Variants in SUMF1 observed in about 807,000 individuals in gnomAD.
The protein encoded by SUMF1 is formylglycine-generating enzyme.
SUMF1 carries 48 observed loss-of-function variants against 47.6 expected under a neutral mutation model. The ratio of observed to expected loss-of-function variants is 1.01; its 90% CI spans 0.80 to 1.28. The LOEUF (loss-of-function observed/expected upper bound fraction) is 1.28. Ranked by LOEUF, SUMF1 falls within the 50% of genes most tolerant of loss-of-function variation. The pLI is 0.00. For synonymous variants in SUMF1, 230 were observed against 192.1 expected (o/e 1.20, Z -1.63); for missense variants, 571 against 485.4 (o/e 1.18, Z -1.66).
rs183533640 is a variant in SUMF1, at chr3:4,460,843, C to T, written c.270+6133G>A. ...TGCTAATTTTTTTTTTTAGTAGACA[C>T]GAGGTCTTGTTATGTTGCCCAGGCT... On this transcript the variant is annotated intron_variant, in intron 1 of 8. Coordinates refer to ENST00000272902, the MANE Select transcript of SUMF1 (RefSeq NM_182760.4). Among the ~76,000 whole-genome samples the T allele has an allele frequency of 1.1e-4, 16 of 151,516 alleles. No homozygotes were observed. In the South Asian group the frequency reaches 1.9e-3, roughly 18 times the overall value.
intron 1 of SUMF1, 44 bp downstream of exon 1, chr3:4,466,932 G>T: frequency 1.3e-6 from 2 of 1,597,276 alleles, no homozygotes; most frequent in African/African-American, 1.3e-5. Flanking sequence ...CCCCGTCCAG[G>T]AACCGAGCAG....
intron 8 of SUMF1, among the ~76,000 whole-genome samples, chr3:4,363,219 ATAATATTTATGATATTATTTATTAT>A (rs1283487119): frequency 1.3e-5 from 2 of 152,178 alleles, no homozygotes; most frequent in Non-Finnish European, 2.9e-5. Context: ...TAATACCTAA[ATAATATTTATGATATTATTTATTAT>A]CTAAATCATA....
chr3:4,317,868 G>A (rs781070938), intron 8 of SUMF1, among the ~76,000 whole-genome samples: 1 of 152,148 alleles, frequency 6.6e-6, no homozygotes, highest in East Asian at 1.9e-4. Context: ...TAAATTATTA[G>A]TCTTGAGAAC....
chr3:4,385,189 T>C (rs1279614350), intron 7 of SUMF1, among the ~76,000 whole-genome samples: 2 of 152,052 alleles, frequency 1.3e-5, no homozygotes, highest in Non-Finnish European at 2.9e-5. Flanking sequence ...CCCAGCTGAA[T>C]GTTTAGGTTT....
At position 4,221,543 on chromosome 3, in the gene SUMF1, C is replaced by T. The variant is rs1482929493; in HGVS notation, c.1015-152798G>A. Among the ~76,000 whole-genome samples the T allele has an allele frequency of 1.3e-5, 2 of 151,734 alleles. 1 individual carries two copies. The highest frequency in any genetic ancestry group is 3.9e-4 in the East Asian group (2 of 5,170). ...AGTTCTGAAAGCCCTGTCCCATTTC[C>T]CAGTGATTAGACAACATTCTTATCA... On this transcript the variant is annotated intron_variant and NMD_transcript_variant, in intron 8 of 12. Coordinates refer to the SUMF1 transcript ENST00000448413.
chr3:4,126,105 G>C (rs1574905843), intron 8 of SUMF1, among the ~76,000 whole-genome samples: 1 of 151,380 alleles, frequency 6.6e-6, no homozygotes, highest in East Asian at 1.9e-4. Context: ...AAAAAAATCA[G>C]AATTATATAT....
rs146280002 is a variant in SUMF1, at chr3:4,383,557, G to A, written c.955-7168C>T. On this transcript the variant is annotated intron_variant, in intron 7 of 8. Transcript: ENST00000272902. ...CAGTTTTTGTCCTGGATTATCTTTT[G>A]AAGGATGTTTGTGTAACCAACAGTC... Among the ~76,000 whole-genome samples the A allele has an allele frequency of 8.5e-5, 13 of 152,294 alleles. No homozygotes were observed. In the East Asian group the frequency reaches 2.5e-3, roughly 29 times the overall value.
At chr3:4,275,597 A>G (rs78284585) in intron 8 of SUMF1, among the ~76,000 whole-genome samples, 3,743 of 152,290 alleles carry the variant, frequency 0.025, 60 homozygotes, top group African/African-American at 0.028. Flanking sequence ...TCCCTTTGGA[A>G]TAGTCAACAC....
chr3:4,366,380 C>T (rs1699958300), intron 8 of SUMF1, among the ~76,000 whole-genome samples: 1 of 152,156 alleles, frequency 6.6e-6, no homozygotes, highest in African/African-American at 2.4e-5. Flanking sequence ...GGTCTTTTCA[C>T]ATAGTCCCAT....
intron 8 of SUMF1, among the ~76,000 whole-genome samples, chr3:4,130,331 T>C (rs769629962): frequency 6.6e-6 from 1 of 152,184 alleles, no homozygotes; most frequent in Non-Finnish European, 1.5e-5. Flanking sequence ...TTCCTGTCCA[T>C]AAGGCCCACC....
intron 6 of SUMF1, among the ~76,000 whole-genome samples, chr3:4,415,875 CGCCTTCT>C (rs1559285182): frequency 6.6e-6 from 1 of 152,094 alleles, no homozygotes; most frequent in Non-Finnish European, 1.5e-5. Context: ...CTCTTTTGCC[CGCCTTCT>C]GCCTTCTGCC....
intron 8 of SUMF1, among the ~76,000 whole-genome samples, chr3:4,250,414 C>A (rs1696770770): frequency 6.6e-6 from 1 of 152,056 alleles, no homozygotes; most frequent in Admixed American, 6.6e-5. Context: ...ATTTCCTGAA[C>A]ATGAAAGTGC....
intron 1 of SUMF1, among the ~76,000 whole-genome samples, chr3:4,453,963 C>A (rs74968258): frequency 1.9e-3 from 287 of 152,132 alleles, no homozygotes; most frequent in Non-Finnish European, 3.4e-3. Flanking sequence ...GTGCCCAGCC[C>A]CACTTTTTTC....
At chr3:4,221,555 C>G (rs1696065193) in intron 8 of SUMF1, among the ~76,000 whole-genome samples, 1 of 151,966 alleles carries the variant, frequency 6.6e-6, no homozygotes, top group South Asian at 2.1e-4. Context: ...AGTGATTAGA[C>G]AACATTCTTA....
At chr3:4,292,080 T>G (rs1359065122) in intron 8 of SUMF1, among the ~76,000 whole-genome samples, 3 of 152,184 alleles carry the variant, frequency 2.0e-5, no homozygotes, top group Non-Finnish European at 4.4e-5. Context: ...AAAACATGTT[T>G]GGAATAAAAC....
intron 8 of SUMF1, among the ~76,000 whole-genome samples, chr3:4,099,320 A>C (rs551928363): frequency 1.8e-4 from 27 of 152,276 alleles, no homozygotes; most frequent in African/African-American, 6.3e-4. Context: ...ATAAATCAAT[A>C]AATGTGATCC....
chr3:4,115,461 C>T (rs1693400008), intron 8 of SUMF1, among the ~76,000 whole-genome samples: 1 of 152,102 alleles, frequency 6.6e-6, no homozygotes, highest in African/African-American at 2.4e-5. Flanking sequence ...GATGGCTAAA[C>T]TGAAAGAGTG....
intron 8 of SUMF1, among the ~76,000 whole-genome samples, chr3:4,310,741 A>G (rs1021466194): frequency 1.3e-5 from 2 of 152,220 alleles, no homozygotes; most frequent in Non-Finnish European, 2.9e-5. Flanking sequence ...CTGATTAGAA[A>G]ACTGCAGTTG....
chr3:4,384,439 C>A (rs144653222), intron 7 of SUMF1, among the ~76,000 whole-genome samples: 2 of 152,264 alleles, frequency 1.3e-5, no homozygotes, highest in Non-Finnish European at 2.9e-5. Context: ...CACAAGGATC[C>A]CTTACGTTGC....
Sources: gnomAD v4.1 joint callset for allele counts (sites outside exome capture counted in the v4.1 genomes callset) on GRCh38, gnomAD v4.1.1 for gene constraint, MANE v1.5 for transcripts, NCBI Gene and HGNC (gene_info 2026-07-23, HGNC 2026-07-21) for gene names.